The following CLYBL variants were observed in gnomAD, a reference collection of about 807,000 sequenced individuals.
CLYBL encodes the protein citramalyl-CoA lyase, mitochondrial.
In CLYBL, 31 loss-of-function variants were observed where a neutral mutation model predicts 38.9. The observed-to-expected ratio is 0.80, with a 90% CI of 0.60 to 1.08. The LOEUF (loss-of-function observed/expected upper bound fraction) is 1.08, where lower values mean the gene tolerates loss of function less well. Ranked by LOEUF, CLYBL falls within the 50% of genes least tolerant of loss-of-function variation. CLYBL has a pLI of 0.00. For synonymous variants in CLYBL, 171 were observed against 158.6 expected (o/e 1.08, Z -0.59); for missense variants, 434 against 411.6 (o/e 1.05, Z -0.47).
chr13:99,630,998 A>G (rs951611874), intron 1 of CLYBL, among the ~76,000 whole-genome samples: 3 of 152,140 alleles, frequency 2.0e-5, no homozygotes, highest in Non-Finnish European at 4.4e-5. Context: ...TTTGGAAAGG[A>G]GGATTCTTTT....
intron 1 of CLYBL, among the ~76,000 whole-genome samples, chr13:99,753,824 C>T (rs1346045632): frequency 1.3e-5 from 2 of 152,092 alleles, no homozygotes; most frequent in Admixed American, 6.5e-5. Context: ...CGCGGTGGCT[C>T]ATGCCTGTAA....
chr13:99,873,391 A>C (rs1056735218), intron 7 of CLYBL, among the ~76,000 whole-genome samples: 2 of 152,202 alleles, frequency 1.3e-5, no homozygotes, highest in African/African-American at 4.8e-5. Flanking sequence ...TTTTATGTCA[A>C]ATGTGAATCA....
intron 1 of CLYBL, among the ~76,000 whole-genome samples, chr13:99,684,133 G>A (rs561611672): frequency 4.4e-4 from 64 of 145,214 alleles, no homozygotes; most frequent in Non-Finnish European, 7.6e-4. Flanking sequence ...GCCCACCTCG[G>A]CCTCCCAAAG....
chr13:99,751,219 GT>G (rs1213172827), intron 1 of CLYBL, among the ~76,000 whole-genome samples: 2 of 150,672 alleles, frequency 1.3e-5, no homozygotes, highest in African/African-American at 4.9e-5. Context: ...GAAGCTTGAA[GT>G]TTTTTTGTTT....
In CLYBL at chr13:99,633,261, C is replaced by T. The variant is rs908489235; in HGVS notation, c.62+26504C>T. ...GAGAAGAGAAGAAAAGAAATAAGGC[C>T]AGGTGTGGTAGCTAATGCCTGTAAT... On this transcript the variant is annotated intron_variant, in intron 1 of 8. Transcript: ENST00000339105. 5.7e-4 allele frequency among the ~76,000 whole-genome samples: 84 copies of T among 146,440 alleles called. 1 individual carries two copies. The highest frequency in any genetic ancestry group is 2.0e-3 in the African/African-American group (78 of 39,688).
At chr13:99,753,027 T>G (rs971748197) in intron 1 of CLYBL, among the ~76,000 whole-genome samples, 10 of 152,102 alleles carry the variant, frequency 6.6e-5, no homozygotes, top group Middle Eastern at 3.2e-3. Flanking sequence ...AAGGTCCTGC[T>G]GAGGACAGGG....
chr13:99,828,760 TAGAA>T (rs2050747190), intron 2 of CLYBL, among the ~76,000 whole-genome samples: 1 of 152,220 alleles, frequency 6.6e-6, no homozygotes, highest in Admixed American at 6.5e-5. Context: ...TCTGGGAATT[TAGAA>T]AGCCTTTTCA....
intron 2 of CLYBL, among the ~76,000 whole-genome samples, chr13:99,820,426 C>A (rs190239512): frequency 1.6e-4 from 24 of 152,254 alleles, no homozygotes; most frequent in Middle Eastern, 6.8e-3. Flanking sequence ...TAGTAACAGC[C>A]CAGCAATCAA....
intron 1 of CLYBL, among the ~76,000 whole-genome samples, chr13:99,654,251 C>G (rs1188657454): frequency 6.6e-6 from 1 of 152,198 alleles, no homozygotes; most frequent in East Asian, 1.9e-4. Flanking sequence ...TGGACCTCTC[C>G]CTGGGTCCAT....
intron 1 of CLYBL, among the ~76,000 whole-genome samples, chr13:99,626,934 C>T (rs530618619): frequency 6.6e-6 from 1 of 150,882 alleles, no homozygotes; most frequent in East Asian, 1.9e-4. Context: ...GTGGTGGCTA[C>T]ACTTGCAGGA....
intron 1 of CLYBL, among the ~76,000 whole-genome samples, chr13:99,632,568 C>T (rs1490769045): frequency 6.6e-6 from 1 of 152,062 alleles, no homozygotes; most frequent in East Asian, 1.9e-4. Context: ...ATAGTGAAAC[C>T]CCATCTCTAC....
intron 1 of CLYBL, among the ~76,000 whole-genome samples, chr13:99,678,078 G>T (rs1395364899): frequency 1.3e-5 from 2 of 152,150 alleles, no homozygotes; most frequent in Non-Finnish European, 2.9e-5. Flanking sequence ...TTTTCCACTG[G>T]AAATAGCCAT....
At chr13:99,667,153 G>T (rs1162954915) in intron 1 of CLYBL, among the ~76,000 whole-genome samples, 1 of 151,682 alleles carries the variant, frequency 6.6e-6, no homozygotes, top group Non-Finnish European at 1.5e-5. Context: ...GGCTTTGGGG[G>T]TCTTGGGGAC....
intron 2 of CLYBL, among the ~76,000 whole-genome samples, chr13:99,792,393 G>GAA (rs1444277775): frequency 6.6e-6 from 1 of 152,128 alleles, no homozygotes; most frequent in Non-Finnish European, 1.5e-5. Context: ...GGGGGCAGGG[G>GAA]AAGCACCTGG....
At chr13:99,661,086 CA>C (rs2047402108) in intron 1 of CLYBL, among the ~76,000 whole-genome samples, 1 of 151,970 alleles carries the variant, frequency 6.6e-6, no homozygotes, top group Non-Finnish European at 1.5e-5. Context: ...AAATTTTTGA[CA>C]AAACACATTT....
At chr13:99,841,938 C>T (rs2051093714) in intron 2 of CLYBL, among the ~76,000 whole-genome samples, 1 of 151,626 alleles carries the variant, frequency 6.6e-6, no homozygotes, top group Non-Finnish European at 1.5e-5. Context: ...GCCTCAGCCT[C>T]CTGAGTAGCT....
At chr13:99,713,039 C>G (rs965412242) in intron 1 of CLYBL, among the ~76,000 whole-genome samples, 41 of 152,290 alleles carry the variant, frequency 2.7e-4, no homozygotes, top group African/African-American at 9.6e-4. Context: ...TCATGGAAAA[C>G]ATTTTCCCTA....
chr13:99,833,007 CATAT>C lies in CLYBL; in HGVS notation c.250-25833_250-25830del, dbSNP rs1555314795. On this transcript the variant is annotated intron_variant, in intron 2 of 8. Transcript: ENST00000339105. Reference sequence around the variant, plus strand: ...TAAGTAGTATATACATACATACATACATATATATATATATATATATATATTTTTT... The same window carrying C: ...TAAGTAGTATATACATACATACATACATATATATATATATATATATTTTTT... Among the ~76,000 whole-genome samples the C allele has an allele frequency of 5.2e-3, 270 of 51,574 alleles. 8 individuals carry two copies. The highest frequency in any genetic ancestry group is 0.02 in the African/African-American group (256 of 12,984). The allele number at this position is 51,574 out of a possible 152,430, so 33.8% of individuals were successfully genotyped here. A position where few individuals can be genotyped will look rare whatever the true frequency, so the allele number is the denominator to read the frequency against.
chr13:99,736,038 CTT>C (rs767129851), intron 1 of CLYBL, among the ~76,000 whole-genome samples: 37 of 76,164 alleles, frequency 4.9e-4, no homozygotes, highest in African/African-American at 1.7e-3. Flanking sequence ...CGTTTCTTTT[CTT>C]TTTTTTTTTT....
Sources: gnomAD v4.1 joint callset for allele counts (sites outside exome capture counted in the v4.1 genomes callset) on GRCh38, gnomAD v4.1.1 for gene constraint, MANE v1.5 for transcripts, NCBI Gene and HGNC (gene_info 2026-07-23, HGNC 2026-07-21) for gene names.